The following LRGUK variants were observed in gnomAD, a reference collection of about 807,000 sequenced individuals.
The protein encoded by LRGUK is leucine rich repeats and guanylate kinase domain containing.
Under a neutral mutation model 76.0 loss-of-function variants are expected in LRGUK, and 65 were observed. The observed-to-expected ratio is 0.85, with a 90% CI of 0.70 to 1.05. The LOEUF (loss-of-function observed/expected upper bound fraction) is 1.05, where lower values mean the gene tolerates loss of function less well. Ranked by LOEUF, LRGUK falls within the 50% of genes least tolerant of loss-of-function variation. The pLI is 0.00. For synonymous variants in LRGUK, 268 were observed against 265.6 expected (o/e 1.01, Z -0.09); for missense variants, 758 against 732.8 (o/e 1.03, Z -0.40).
chr7:134,267,935 T>A (rs1000248216), downstream of LRGUK, among the ~76,000 whole-genome samples: 5 of 146,610 alleles, frequency 3.4e-5, no homozygotes, highest in African/African-American at 7.4e-5. Context: ...TAAAAAAAAA[T>A]ATGTTGAACT....
chr7:134,255,972 G>C (rs1298346008), intron 18 of LRGUK, among the ~76,000 whole-genome samples: 1 of 152,074 alleles, frequency 6.6e-6, no homozygotes, highest in Non-Finnish European at 1.5e-5. Flanking sequence ...TGGAGTCATT[G>C]GCTGGTGAGA....
intron 19 of LRGUK, among the ~76,000 whole-genome samples, chr7:134,260,182 C>T (rs2544181): frequency 0.43 from 65,531 of 151,662 alleles, 14,595 homozygotes; most frequent in South Asian, 0.57. Context: ...GGTATTATCA[C>T]ATATAACTAT....
intron 16 of LRGUK, among the ~76,000 whole-genome samples, chr7:134,236,350 T>G (rs1198979090): frequency 1.3e-5 from 2 of 152,170 alleles, no homozygotes; most frequent in African/African-American, 4.8e-5. Flanking sequence ...TAGTTTAGTC[T>G]TATCTATTTT....
chr7:134,204,057 T>A (rs1258694954), intron 15 of LRGUK, among the ~76,000 whole-genome samples: 1 of 152,202 alleles, frequency 6.6e-6, no homozygotes, highest in Non-Finnish European at 1.5e-5. Flanking sequence ...TAAATCAGCC[T>A]CTTGTGGGTT....
intron 5 of LRGUK, among the ~76,000 whole-genome samples, chr7:134,156,483 G>GA (rs1426121289): frequency 2.6e-5 from 4 of 152,094 alleles, no homozygotes; most frequent in African/African-American, 9.7e-5. Flanking sequence ...AAAAAAATAA[G>GA]AAAAAAGTGG....
downstream of LRGUK, among the ~76,000 whole-genome samples, chr7:134,213,805 C>T (rs1801358923): frequency 6.6e-6 from 1 of 152,132 alleles, no homozygotes; most frequent in Non-Finnish European, 1.5e-5. Context: ...ATTATTGATT[C>T]TCTTGGTATA....
chr7:134,168,318 T>TC (rs781443533), intron 7 of LRGUK, among the ~76,000 whole-genome samples: 1 of 152,224 alleles, frequency 6.6e-6, no homozygotes, highest in East Asian at 1.9e-4. Flanking sequence ...TAAGCTATTA[T>TC]CACACCACTG....
intron 1 of LRGUK, among the ~76,000 whole-genome samples, chr7:134,136,462 C>T (rs1161668337): frequency 6.6e-6 from 1 of 152,050 alleles, no homozygotes; most frequent in Non-Finnish European, 1.5e-5. Context: ...TGTAACCATC[C>T]TTTGGGGTGT....
the LRGUK span, among the ~76,000 whole-genome samples, chr7:134,273,975 A>C: frequency 6.6e-6 from 1 of 152,184 alleles, no homozygotes; most frequent in African/African-American, 2.4e-5. Flanking sequence ...TAAATAGAGA[A>C]GTTTTTAACT....
chr7:134,271,998 T>C, the LRGUK span, among the ~76,000 whole-genome samples: 1 of 152,112 alleles, frequency 6.6e-6, no homozygotes, highest in Non-Finnish European at 1.5e-5. Flanking sequence ...TATTATTTTC[T>C]TTTTCCCTTT....
intron 3 of LRGUK, among the ~76,000 whole-genome samples, chr7:134,140,116 G>T (rs539416949): frequency 7.9e-5 from 12 of 152,016 alleles, no homozygotes; most frequent in Admixed American, 7.2e-4. Context: ...CTACAGGCAC[G>T]CACCACCACG....
At chr7:134,140,100 C>G (rs1362355564) in intron 3 of LRGUK, among the ~76,000 whole-genome samples, 1 of 152,116 alleles carries the variant, frequency 6.6e-6, no homozygotes, top group Admixed American at 6.5e-5. Context: ...TCTGGAGTAG[C>G]TGGGACTACA....
chr7:134,209,587 C>T (rs1470303897), exon 16 of LRGUK: 2 of 398,934 alleles, frequency 5.0e-6, no homozygotes, highest in Non-Finnish European at 4.4e-6. Context: ...CCCTCCAGAG[C>T]AGGAGGCCCA....
intron 15 of LRGUK, among the ~76,000 whole-genome samples, chr7:134,204,320 G>A (rs1382144072): frequency 2.6e-5 from 4 of 152,150 alleles, no homozygotes; most frequent in Admixed American, 1.3e-4. Context: ...TGATTCTAAC[G>A]GGTATAATAA....
intron 10 of LRGUK, among the ~76,000 whole-genome samples, chr7:134,183,044 T>C (rs1426600037): frequency 6.6e-6 from 1 of 152,204 alleles, no homozygotes; most frequent in African/African-American, 2.4e-5. Context: ...GCTTGAGCCA[T>C]CGCGCCCGGC....
intron 16 of LRGUK, among the ~76,000 whole-genome samples, chr7:134,246,819 T>C (rs1802313508): frequency 6.6e-6 from 1 of 152,258 alleles, no homozygotes; most frequent in Non-Finnish European, 1.5e-5. Flanking sequence ...CTTGTTAATT[T>C]ATCTTTTCTG....
chr7:134,239,864 G>T (rs920440020), intron 16 of LRGUK, among the ~76,000 whole-genome samples: 3 of 152,194 alleles, frequency 2.0e-5, no homozygotes, highest in Non-Finnish European at 4.4e-5. Flanking sequence ...CCAGAGGAAG[G>T]ATTAGGCAGC....
chr7:134,155,948 A>G (rs1563149629), intron 5 of LRGUK, among the ~76,000 whole-genome samples: 3 of 152,214 alleles, frequency 2.0e-5, no homozygotes, highest in South Asian at 2.1e-4. Context: ...GATGACCAGG[A>G]GAGGCTTTGA....
chr7:134,183,678 T>C (rs1333547975), intron 10 of LRGUK, 56 bp from the exon 11 acceptor site: 1 of 1,605,194 alleles, frequency 6.2e-7, no homozygotes, highest in Non-Finnish European at 8.5e-7. Flanking sequence ...TGGATGTAGT[T>C]AATGTGCTGT....
Sources: gnomAD v4.1 joint callset for allele counts (sites outside exome capture counted in the v4.1 genomes callset) on GRCh38, gnomAD v4.1.1 for gene constraint, MANE v1.5 for transcripts, NCBI Gene and HGNC (gene_info 2026-07-23, HGNC 2026-07-21) for gene names.